MUSK: variants seen among roughly 807,000 people sequenced by gnomAD.
MUSK encodes muscle, skeletal receptor tyrosine-protein kinase.
MUSK carries 55 observed loss-of-function variants against 88.7 expected under a neutral mutation model. That is an observed-to-expected ratio of 0.62 (90% CI 0.50 to 0.78). The LOEUF is 0.78. Among genes scored for constraint, MUSK ranks in the 30% least tolerant of loss-of-function variants. The pLI is 0.00. For synonymous variants in MUSK, 387 were observed against 391.9 expected, an observed-to-expected ratio of 0.99 and a Z score of 0.15; for missense variants, 1,015 against 1,074.3, an observed-to-expected ratio of 0.94 and a Z score of 0.77.
intron 5 of MUSK, among the ~76,000 whole-genome samples, chr9:110,703,378 A>T (rs1402742945): frequency 6.6e-6 from 1 of 152,000 alleles, no homozygotes; most frequent in Non-Finnish European, 1.5e-5. Flanking sequence ...CTCTATACAA[A>T]AATTAGCCGG....
chr9:110,787,893 G>GTT, intron 14 of MUSK, 55 bp downstream of exon 14: 2 of 1,555,440 alleles, frequency 1.3e-6, no homozygotes, highest in Non-Finnish European at 1.7e-6. Flanking sequence ...GGCTTTCCAA[G>GTT]TTTTTCTCCC....
At chr9:110,797,439 CA>C (rs1258022314) in intron 14 of MUSK, among the ~76,000 whole-genome samples, 1 of 151,832 alleles carries the variant, frequency 6.6e-6, no homozygotes, top group Non-Finnish European at 1.5e-5. Context: ...TATGGAATGA[CA>C]AAGTCAGGGG....
intron 3 of MUSK, among the ~76,000 whole-genome samples, chr9:110,689,647 A>G (rs1283071480): frequency 1.3e-5 from 1 of 77,128 alleles, no homozygotes; most frequent in Non-Finnish European, 2.2e-5. Flanking sequence ...TATATTAGTA[A>G]TATACCATAT....
chr9:110,678,018 C>T (rs555048991), intron 1 of MUSK, among the ~76,000 whole-genome samples: 1 of 152,056 alleles, frequency 6.6e-6, no homozygotes, highest in Non-Finnish European at 1.5e-5. Context: ...TAAAATTTTA[C>T]TTTAGGGCTT....
At chr9:110,684,580 T>C (rs1311202884) in intron 2 of MUSK, among the ~76,000 whole-genome samples, 4 of 152,074 alleles carry the variant, frequency 2.6e-5, no homozygotes, top group Non-Finnish European at 5.9e-5. Flanking sequence ...GTATGAACAT[T>C]TTAATAATAT....
chr9:110,800,147 T>C (rs1034792963), intron 14 of MUSK, among the ~76,000 whole-genome samples, 159 bp from the exon 15 acceptor site: 1 of 152,136 alleles, frequency 6.6e-6, no homozygotes, highest in Non-Finnish European at 1.5e-5. Flanking sequence ...CCTTTTGTGT[T>C]GTGATTAAAA....
chr9:110,774,500 T>G (rs961383547), intron 9 of MUSK, among the ~76,000 whole-genome samples: 11 of 152,222 alleles, frequency 7.2e-5, no homozygotes, highest in African/African-American at 1.7e-4. Context: ...GGTATTTGCT[T>G]CTTCTGCCTA....
Position 110,784,872 on chromosome 9 carries a change from C to G in MUSK, c.1442C>G (p.Ser481Cys), listed in dbSNP as rs1434620759. The change falls in exon 12 of 15, where the codon TCC (serine) becomes TGC (cysteine). Residue 481 changes from serine to cysteine, a missense_variant. Transcript: ENST00000374448. ...GTGGACATTCCAAATCTGCCTTCCT[C>G]CTCCTCTTCTTCCTTCTCTGTCTCA... ...PSVDIPNLPSSSSSSFSVSPT... is the reference protein window; with the variant it reads ...PSVDIPNLPSCSSSSFSVSPT... 3 of 1,613,752 alleles carry G rather than the reference C, an allele frequency of 1.9e-6. No homozygotes were observed. Among genetic ancestry groups the G allele is most frequent in the Non-Finnish European group, 2.5e-6 (3 of 1,179,846 alleles).
In MUSK at chr9:110,801,873, A is replaced by G. The variant is rs563607457; in HGVS notation, c.*885A>G. Among the ~76,000 whole-genome samples the G allele has an allele frequency of 6.6e-6, 1 of 152,244 alleles. No individual in the cohort carries two copies. Among genetic ancestry groups the G allele is most frequent in the African/African-American group, 2.4e-5 (1 of 41,526 alleles). On this transcript the variant is annotated 3_prime_UTR_variant, in exon 15 of 15. Coordinates refer to ENST00000374448, the MANE Select transcript of MUSK (RefSeq NM_005592.4). ...TTTCTTTTATTTCATTCATGTAATA[A>G]ACACTCTGGCAGAAATAATAACATT...
chr9:110,800,287 G>T lies in MUSK; in HGVS notation c.1928-19G>T. The T allele has an allele frequency of 1.9e-6, 3 of 1,586,366 alleles. No homozygotes were observed. The highest frequency in any genetic ancestry group is 2.6e-6 in the Non-Finnish European group (3 of 1,162,804). ...CATTGTAGAAACTGAGACTAACAGG[G>T]ATGGTCTTTTGGTTCCAGGAGTGTG... is the stretch of plus-strand genomic sequence containing the variant. On this transcript the variant is annotated intron_variant, in intron 14 of 14. Coordinates refer to ENST00000374448, the MANE Select transcript of MUSK (RefSeq NM_005592.4).
intron 6 of MUSK, among the ~76,000 whole-genome samples, chr9:110,735,208 T>C (rs1162039362): frequency 6.6e-6 from 1 of 152,058 alleles, no homozygotes; most frequent in Non-Finnish European, 1.5e-5. Flanking sequence ...CACTACTGGG[T>C]ATACAGTCAA....
chr9:110,730,614 C>T (rs775293975), intron 5 of MUSK, among the ~76,000 whole-genome samples: 2 of 151,852 alleles, frequency 1.3e-5, no homozygotes, highest in Admixed American at 6.6e-5. Context: ...TTGTTATTGC[C>T]GGTGTATTAT....
chr9:110,798,096 A>G (rs1479104380), intron 14 of MUSK, among the ~76,000 whole-genome samples: 2 of 152,186 alleles, frequency 1.3e-5, no homozygotes, highest in Non-Finnish European at 2.9e-5. Context: ...TCTATTTTTT[A>G]TCAAGTATAC....
rs1455132737 is a variant in MUSK at position 110,695,423 on chromosome 9, C to G, written c.379C>G (p.Pro127Ala). ...TTTAGAACCTAAAATAACTCGTCCT[C>G]CCATAAATGTGAAAATAATAGAGGG... Reference protein sequence around the residue: ...VKMKPKITRPPINVKIIEGLK... With the variant: ...VKMKPKITRPAINVKIIEGLK... Residue 127 changes from proline to alanine, a missense_variant, in exon 4 of 15, where the codon CCC (proline) becomes GCC (alanine). Coordinates refer to ENST00000374448, the MANE Select transcript of MUSK (RefSeq NM_005592.4). 5 of 1,524,712 alleles carry G rather than the reference C, an allele frequency of 3.3e-6. No homozygotes were observed. Among genetic ancestry groups the G allele is most frequent in the Non-Finnish European group, 4.5e-6 (5 of 1,123,282 alleles). The allele number at this position is 1,524,712 out of a possible 1,614,324, so 94.4% of individuals were successfully genotyped here.
At chr9:110,744,281 A>C (rs1192211945) in intron 6 of MUSK, among the ~76,000 whole-genome samples, 1 of 152,142 alleles carries the variant, frequency 6.6e-6, no homozygotes, top group African/African-American at 2.4e-5. Flanking sequence ...GCCATATTCT[A>C]ACAGTTCCAC....
rs373494140 is a variant in MUSK at position 110,716,026 on chromosome 9, C to G, written c.629-18225C>G. On this transcript the variant is annotated intron_variant, in intron 5 of 14. Transcript: ENST00000374448. ...GGAAGAGTAGCTAACGGATGCTAGG[C>G]TTATTACCTAAGTGATGGGCTGATC... is the stretch of plus-strand genomic sequence containing the variant. Among the ~76,000 whole-genome samples the G allele has an allele frequency of 1.1e-4, 16 of 149,640 alleles. No homozygotes were observed. The East Asian group carries it at 3.1e-3, about 29-fold the overall frequency.
intron 9 of MUSK, among the ~76,000 whole-genome samples, chr9:110,770,377 CTAAT>C (rs1345856212): frequency 1.4e-5 from 2 of 143,614 alleles, no homozygotes; most frequent in Non-Finnish European, 1.5e-5. Flanking sequence ...TATGATATAA[CTAAT>C]TATAAGCTAT....
At chr9:110,699,563 A>G (rs185264060) in intron 5 of MUSK, among the ~76,000 whole-genome samples, 195 of 152,328 alleles carry the variant, frequency 1.3e-3, no homozygotes, top group African/African-American at 4.4e-3. Context: ...TTTTCATAAG[A>G]TATAATGTAG....
At position 110,670,561 on chromosome 9, in the gene MUSK, A is replaced by G. The variant is rs1191584968; in HGVS notation, c.79+1578A>G. On this transcript the variant is annotated intron_variant, in intron 1 of 14. Coordinates refer to ENST00000374448, the MANE Select transcript of MUSK (RefSeq NM_005592.4). Reference sequence around the variant, plus strand: ...TAGAAAGAATTGATTTTCATTTCCAAACTTTACAAATAAAGCCCTTAATTC... The same window carrying G: ...TAGAAAGAATTGATTTTCATTTCCAGACTTTACAAATAAAGCCCTTAATTC... 2.0e-5 allele frequency among the ~76,000 whole-genome samples: 3 copies of G among 152,318 alleles called. No individual in the cohort carries two copies. The South Asian group carries it at 6.2e-4, about 32-fold the overall frequency.
Sources: allele counts gnomAD v4.1 joint callset (sites outside exome capture counted in the v4.1 genomes callset), GRCh38; gene constraint gnomAD v4.1.1; transcripts MANE v1.5; gene names NCBI Gene and HGNC (gene_info 2026-07-23, HGNC 2026-07-21).